Variants in HAS3 observed in about 807,000 individuals in gnomAD.
The protein encoded by HAS3 is hyaluronan synthase 3.
HAS3 carries 27 observed loss-of-function variants against 50.3 expected under a neutral mutation model. The observed-to-expected ratio is 0.54, with a 90% CI of 0.40 to 0.74. The LOEUF (loss-of-function observed/expected upper bound fraction) is 0.74. Among genes scored for constraint, HAS3 ranks in the 30% least tolerant of loss-of-function variants. HAS3 has a pLI of 0.00. For missense variants in HAS3, 517 were observed against 742.8 expected, an observed-to-expected ratio of 0.70 and a Z score of 3.53; for synonymous variants, 339 against 310.9, an observed-to-expected ratio of 1.09 and a Z score of -0.95.
At chr16:69,100,766 T>C (rs534397340), upstream of HAS3, among the ~76,000 whole-genome samples, 3 of 152,324 alleles carry the variant, frequency 2.0e-5, no homozygotes, top group Admixed American at 1.3e-4. Flanking sequence ...TGGAATTTCA[T>C]TGAAAGGTGA....
chr16:69,087,676 G>A, the HAS3 span, among the ~76,000 whole-genome samples: 1 of 147,388 alleles, frequency 6.8e-6, no homozygotes, highest in Non-Finnish European at 1.5e-5. Flanking sequence ...GGGATGACAG[G>A]CATGAGCCAC....
chr16:69,115,408 A>T lies in HAS3; in HGVS notation c.*142A>T. ...CAAAGGACAAATCTAAAATGCAAAG[A>T]ACGGTGATGTAGTATGGCCTGACAG... is the stretch of plus-strand genomic sequence containing the variant. On this transcript the variant is annotated 3_prime_UTR_variant, in exon 4 of 4. Transcript: ENST00000569188. 2 of 1,386,418 alleles carry T rather than the reference A, an allele frequency of 1.4e-6. No homozygotes were observed. Among genetic ancestry groups the T allele is most frequent in the Non-Finnish European group, 1.9e-6 (2 of 1,074,812 alleles). The allele number at this position is 1,386,418 out of a possible 1,614,324, so 85.9% of individuals were successfully genotyped here.
chr16:69,096,203 C>G, the HAS3 span, among the ~76,000 whole-genome samples: 25,070 of 118,408 alleles, frequency 0.21, 2,371 homozygotes, highest in African/African-American at 0.27. Context: ...GCGACGGAGT[C>G]AGACTCCGTC....
At chr16:69,092,316 A>G in the HAS3 span, among the ~76,000 whole-genome samples, 2 of 152,326 alleles carry the variant, frequency 1.3e-5, no homozygotes, top group African/African-American at 2.4e-5. Context: ...GTGGATAAAG[A>G]AAGTGGTTCC....
At chr16:69,089,678 G>A in the HAS3 span, among the ~76,000 whole-genome samples, 8 of 152,166 alleles carry the variant, frequency 5.3e-5, no homozygotes, top group Non-Finnish European at 1.2e-4. Flanking sequence ...TGTGCTCAGC[G>A]CCCTCTGCAC....
At chr16:69,103,693 G>A (rs1345656848), upstream of HAS3, among the ~76,000 whole-genome samples, 3 of 152,098 alleles carry the variant, frequency 2.0e-5, no homozygotes, top group Admixed American at 1.3e-4. Flanking sequence ...CACCACACCC[G>A]GCCAGGCAGT....
the HAS3 span, among the ~76,000 whole-genome samples, chr16:69,092,239 G>A: frequency 6.6e-6 from 1 of 152,130 alleles, no homozygotes; most frequent in African/African-American, 2.4e-5. Flanking sequence ...TTTTCCCACC[G>A]TGCTTGCTGC....
At position 69,116,944 on chromosome 16, in the gene HAS3, T is replaced by C; in HGVS notation, c.*1678T>C. 1 of 985,466 alleles carries C rather than the reference T, an allele frequency of 1.0e-6. No homozygotes were observed. 61.0% of individuals were successfully genotyped at this position (985,466 alleles called of 1,614,324 possible). A position where few individuals can be genotyped will look rare whatever the true frequency, so the allele number is the denominator to read the frequency against. On this transcript the variant is annotated 3_prime_UTR_variant, in exon 4 of 4. Transcript: ENST00000569188. ...AAGTGCTTCCTACAAAGACGCAAGG[T>C]GTGCTCTGAGCCACAGATGGGCAAA...
At chr16:69,118,436 C>A, downstream of HAS3, 1 of 1,611,070 alleles carries the variant, frequency 6.2e-7, no homozygotes, top group Non-Finnish European at 8.5e-7. Flanking sequence ...GTCCGTTCAC[C>A]AACGCCACGT....
chr16:69,118,428 CCGTTCACCAACGCCA>C, downstream of HAS3: 1 of 1,612,634 alleles, frequency 6.2e-7, no homozygotes, highest in Non-Finnish European at 8.5e-7. Context: ...GAAGCATGGT[CCGTTCACCAACGCCA>C]CGTTTCTAGA....
rs1175192742 is a variant in HAS3 at position 69,107,650 on chromosome 16, C to A, written c.1-1746C>A. The A allele has an allele frequency of 3.0e-6, 3 of 985,522 alleles. No individual in the cohort carries two copies. The highest frequency in any genetic ancestry group is 1.7e-5 in the African/African-American group (1 of 57,250). The allele number at this position is 985,522 out of a possible 1,614,324, so 61.0% of individuals were successfully genotyped here. A position where few individuals can be genotyped will look rare whatever the true frequency, so the allele number is the denominator to read the frequency against. On this transcript the variant is annotated intron_variant, in intron 1 of 3. Transcript: ENST00000569188. The surrounding 1 kb of genome is among the most constrained non-coding windows in gnomAD (Gnocchi z 5.5). ...TGGCCTTGGCGCCCCCTTCCCCTAC[C>A]CAGAGCGCAGGCAGGCAGGGGGGTC... is the stretch of plus-strand genomic sequence containing the variant.
Position 69,113,501 on chromosome 16 carries a change from G to T in HAS3, c.697G>T (p.Glu233Ter). Reference protein sequence around the residue: ...ACTIEMLRVLEEDPQVGGVGG... With the variant: ...ACTIEMLRVL ...CACCATCGAGATGCTTCGAGTCCTG[G>T]AGGAGGATCCCCAAGTAGGGGGAGT... Residue 233 changes from glutamate to a stop codon, truncating the protein, a stop_gained, in exon 3 of 4, where the codon GAG (glutamate) becomes TAG (stop). Transcript: ENST00000569188. LOFTEE classifies it high-confidence loss of function. The T allele has an allele frequency of 6.2e-7, 1 of 1,613,512 alleles. No homozygotes were observed.
chr16:69,110,107 T>C (rs914445546), intron 2 of HAS3, 76 bp downstream of exon 2: 28 of 1,420,602 alleles, frequency 2.0e-5, no homozygotes, highest in Non-Finnish European at 2.9e-6. Context: ...GCCAAGAATC[T>C]GAGGTCTGGT....
the HAS3 span, chr16:69,083,802 T>G: frequency 1.1e-6 from 1 of 906,020 alleles, no homozygotes; most frequent in Non-Finnish European, 1.6e-6. Context: ...TGCAGGTCAC[T>G]TGGGTCTTCA....
chr16:69,083,609 A>G, the HAS3 span: 1 of 1,584,916 alleles, frequency 6.3e-7, no homozygotes, highest in African/African-American at 1.3e-5. Context: ...ATCATGAAAA[A>G]CTTCCTGTTC....
In HAS3 at chr16:69,114,863, G is replaced by A; in HGVS notation, c.1259G>A (p.Gly420Asp). The change falls in exon 4 of 4, where the codon GGC becomes GAC. Residue 420 changes from glycine (G) to aspartate (D), a missense_variant. Gly to Asp is a moderately conservative substitution (Grantham distance 94). Coordinates refer to ENST00000569188, the MANE Select transcript of HAS3 (RefSeq NM_001199280.2). The surrounding 1 kb of genome is among the most constrained non-coding windows in gnomAD (Gnocchi z 6.4). ...LLFLLTVQLV[G>D]IIKATYACFL... is the part of the protein sequence containing the mutation. ...TTCCTGCTGACGGTGCAGCTGGTGG[G>A]CATTATCAAGGCCACCTACGCCTGC... is the stretch of plus-strand genomic sequence containing the variant. 1 of 1,614,024 alleles carries A rather than the reference G, an allele frequency of 6.2e-7. No individual in the cohort carries two copies. Among genetic ancestry groups the A allele is most frequent in the Non-Finnish European group, 8.5e-7 (1 of 1,179,970 alleles).
At chr16:69,085,295 T>C in the HAS3 span, 1 of 152,384 alleles carries the variant, frequency 6.6e-6, no homozygotes, top group Non-Finnish European at 1.5e-5. Flanking sequence ...CAGATCCTGA[T>C]TGACCACCTT....
chr16:69,117,708 A>C (rs1460162025), downstream of HAS3: 2 of 929,268 alleles, frequency 2.2e-6, no homozygotes, highest in East Asian at 2.4e-4. Context: ...TCTTTATTCC[A>C]GTTTCCAAAG....
chr16:69,101,672 A>ACT (rs1391008001), upstream of HAS3, among the ~76,000 whole-genome samples: 7 of 152,214 alleles, frequency 4.6e-5, no homozygotes, highest in African/African-American at 9.6e-5. Flanking sequence ...TCCCCATGAA[A>ACT]CTGCCCAGCC....
Sources: allele counts gnomAD v4.1 joint callset (sites outside exome capture counted in the v4.1 genomes callset), GRCh38; gene constraint gnomAD v4.1.1; non-coding constraint Gnocchi (gnomAD v3.1); transcripts MANE v1.5; gene names NCBI Gene and HGNC (gene_info 2026-07-23, HGNC 2026-07-21).